The following SLC12A9 variants were observed in gnomAD, a reference collection of about 807,000 sequenced individuals.
The protein encoded by SLC12A9 is CCC-interacting protein 1.
In SLC12A9, 55 loss-of-function variants were observed where a neutral mutation model predicts 66.0. That is an observed-to-expected ratio of 0.83 (90% CI 0.67 to 1.04). The LOEUF is 1.04. SLC12A9 is among the 50% of genes least tolerant of loss of function. SLC12A9 has a pLI of 0.00. For synonymous variants in SLC12A9, 577 were observed against 569.0 expected (o/e 1.01, Z -0.20); for missense variants, 1,061 against 1,241.9 (o/e 0.85, Z 2.19).
chr7:100,840,233 A>G (rs1388813156), intron 1 of SLC12A9, among the ~76,000 whole-genome samples: 1 of 152,182 alleles, frequency 6.6e-6, no homozygotes, highest in Non-Finnish European at 1.5e-5. Context: ...TCGAAGAAGC[A>G]TAGGTCAGGC....
intron 5 of SLC12A9, 179 bp from the exon 6 acceptor site, chr7:100,858,656 G>A (rs537323931): frequency 5.0e-6 from 3 of 596,394 alleles, no homozygotes; most frequent in South Asian, 2.0e-5. Flanking sequence ...CGGAGCACTG[G>A]GGGGACGTGG....
intron 1 of SLC12A9, among the ~76,000 whole-genome samples, chr7:100,844,922 C>T (rs1037770092): frequency 6.6e-5 from 10 of 152,034 alleles, no homozygotes; most frequent in South Asian, 2.1e-4. Flanking sequence ...ATTAGCCGAG[C>T]GTGCAGCCCA....
Position 100,854,291 on chromosome 7 carries a change from G to T in SLC12A9, c.94G>T (p.Ala32Ser). The change falls in exon 2 of 14, where the codon GCG becomes TCG. Residue 32 changes from alanine to serine, a missense_variant. Physicochemically the swap from Ala to Ser is moderately conservative, Grantham distance 99. Coordinates refer to ENST00000354161, the MANE Select transcript of SLC12A9 (RefSeq NM_020246.4). ...PANGAGGPGGASARKLSTFLG... is the reference protein window; with the variant it reads ...PANGAGGPGGSSARKLSTFLG... ...CAATGGGGCCGGGGGTCCTGGAGGG[G>T]CGTCTGCCCGGAAGCTGTCCACCTT... 6.2e-7 allele frequency: 1 copy of T among 1,600,490 alleles called. No individual in the cohort carries two copies. Among genetic ancestry groups the T allele is most frequent in the East Asian group, 2.2e-5 (1 of 44,746 alleles).
At chr7:100,862,624 A>G in intron 12 of SLC12A9, 57 bp from the exon 13 acceptor site, 1 of 1,601,378 alleles carries the variant, frequency 6.2e-7, no homozygotes, top group Non-Finnish European at 8.5e-7. Context: ...TTTGGACTCT[A>G]GGAGACATTG....
intron 13 of SLC12A9, among the ~76,000 whole-genome samples, chr7:100,864,210 T>C (rs1814937567): frequency 6.6e-6 from 1 of 151,764 alleles, no homozygotes; most frequent in African/African-American, 2.4e-5. Context: ...CCCAAGTAGC[T>C]GGGACTACAG....
Position 100,860,060 on chromosome 7 carries a change from T to C in SLC12A9, c.1135+18T>C, listed in dbSNP as rs1814648433. 2.5e-6 allele frequency: 4 copies of C among 1,614,178 alleles called. No individual in the cohort carries two copies. Among genetic ancestry groups the C allele is most frequent in the Middle Eastern group, 1.6e-4 (1 of 6,062 alleles). Reference sequence around the variant, plus strand: ...CCTCTTTGGTGGGTTCTCTGCCTCCTTGCTGGCTTGGAGCACGCCCTCCCT... The same window carrying C: ...CCTCTTTGGTGGGTTCTCTGCCTCCCTGCTGGCTTGGAGCACGCCCTCCCT... On this transcript the variant is annotated intron_variant, in intron 8 of 13. Transcript: ENST00000354161.
In SLC12A9 at chr7:100,866,543, C is replaced by G. The variant is rs761513405; in HGVS notation, c.2683C>G (p.Arg895Gly). 2.5e-6 allele frequency: 4 copies of G among 1,585,264 alleles called. No homozygotes were observed. The highest frequency in any genetic ancestry group is 3.4e-6 in the Non-Finnish European group (4 of 1,167,000). Reference protein sequence around the residue: ...RYLALLETLTRDLGPTLLVHG... With the variant: ...RYLALLETLTGDLGPTLLVHG... ...CCTGGCGCTACTGGAGACTCTAACC[C>G]GAGACCTGGGCCCCACGCTGCTGGT... Residue 895 changes from arginine (R) to glycine (G), a missense_variant, in exon 14 of 14, where the codon CGA becomes GGA. Coordinates refer to ENST00000354161, the MANE Select transcript of SLC12A9 (RefSeq NM_020246.4). The surrounding 1 kb of genome is among the most constrained non-coding windows in gnomAD (Gnocchi z 7.3).
intron 1 of SLC12A9, among the ~76,000 whole-genome samples, chr7:100,827,716 G>C (rs1016624647): frequency 6.6e-6 from 1 of 152,138 alleles, no homozygotes; most frequent in African/African-American, 2.4e-5. Context: ...GGAGAAGGGG[G>C]AGGGGCGGCG....
chr7:100,858,047 CAG>C (rs1473974134), intron 5 of SLC12A9: 2 of 151,908 alleles, frequency 1.3e-5, no homozygotes, highest in Non-Finnish European at 2.9e-5. Context: ...ACCCGGGAGG[CAG>C]AGGCTGCAGT....
At chr7:100,845,692 A>G (rs1267432358) in intron 1 of SLC12A9, among the ~76,000 whole-genome samples, 1 of 152,188 alleles carries the variant, frequency 6.6e-6, no homozygotes, top group Non-Finnish European at 1.5e-5. Context: ...GCCCATAAAA[A>G]CAGGCCAACT....
chr7:100,840,499 A>AC (rs56065708), intron 1 of SLC12A9, among the ~76,000 whole-genome samples: 5 of 151,916 alleles, frequency 3.3e-5, no homozygotes, highest in East Asian at 1.9e-4. Flanking sequence ...CTAGTTTTAG[A>AC]CCCCCCGCCC....
chr7:100,832,141 A>C (rs1188836410), intron 1 of SLC12A9, among the ~76,000 whole-genome samples: 1 of 152,178 alleles, frequency 6.6e-6, no homozygotes, highest in Non-Finnish European at 1.5e-5. Context: ...CGGAGGTTGC[A>C]GTGAGCCGAG....
chr7:100,862,632 T>C, intron 12 of SLC12A9, 49 bp from the exon 13 acceptor site: 1 of 1,605,762 alleles, frequency 6.2e-7, no homozygotes, highest in South Asian at 1.1e-5. Flanking sequence ...CTAGGAGACA[T>C]TGAGTTTGGA....
chr7:100,855,933 A>G, intron 4 of SLC12A9, 96 bp downstream of exon 4: 1 of 1,493,402 alleles, frequency 6.7e-7, no homozygotes, highest in South Asian at 1.4e-5. Flanking sequence ...AGAGGGGCAG[A>G]CTGAGCCATT....
At chr7:100,836,791 C>G (rs1327121431) in intron 1 of SLC12A9, among the ~76,000 whole-genome samples, 1 of 151,584 alleles carries the variant, frequency 6.6e-6, no homozygotes, top group African/African-American at 2.4e-5. Flanking sequence ...GGCTCATCTG[C>G]CCCTGGGACC....
intron 9 of SLC12A9, 129 bp downstream of exon 9, chr7:100,860,361 C>G: frequency 1.1e-6 from 1 of 928,158 alleles, no homozygotes; most frequent in Middle Eastern, 2.6e-4. Context: ...CACTGGCACT[C>G]TGCAGGGTTC....
chr7:100,845,832 G>A (rs77195602), intron 1 of SLC12A9, among the ~76,000 whole-genome samples: 4,490 of 152,264 alleles, frequency 0.029, 112 homozygotes, highest in Middle Eastern at 0.071. Flanking sequence ...AAGACGGCTC[G>A]TGAAGATACT....
chr7:100,850,221 C>CT (rs1437587555), upstream of SLC12A9, among the ~76,000 whole-genome samples: 19 of 137,656 alleles, frequency 1.4e-4, no homozygotes, highest in Middle Eastern at 3.7e-3. Context: ...TCCCTCCCTT[C>CT]TTTCCTTCCT....
At chr7:100,858,805 G>A in intron 5 of SLC12A9, 30 bp from the exon 6 acceptor site, 1 of 1,607,566 alleles carries the variant, frequency 6.2e-7, no homozygotes, top group Non-Finnish European at 8.5e-7. Flanking sequence ...GGATGCTGAT[G>A]CACTCTCCTC....
Sources: allele counts gnomAD v4.1 joint callset (sites outside exome capture counted in the v4.1 genomes callset), GRCh38; gene constraint gnomAD v4.1.1; non-coding constraint Gnocchi (gnomAD v3.1); transcripts MANE v1.5; gene names NCBI Gene and HGNC (gene_info 2026-07-23, HGNC 2026-07-21).